COL24A1: variants seen among roughly 807,000 people sequenced by gnomAD.
COL24A1 encodes collagen type XXIV alpha 1 chain, also known as collagen alpha-1(XXIV) chain.
COL24A1 carries 224 observed loss-of-function variants against 253.9 expected under a neutral mutation model. That is an observed-to-expected ratio of 0.88 (90% CI 0.79 to 0.99). The LOEUF (loss-of-function observed/expected upper bound fraction) is 0.99, where lower values mean the gene tolerates loss of function less well. Among genes scored for constraint, COL24A1 ranks in the 50% least tolerant of loss-of-function variants. The probability of loss-of-function intolerance (pLI) is 0.00; values close to 1 mark genes in which losing one functional copy is unlikely to be tolerated. For missense variants in COL24A1, 2,131 were observed against 2,068.5 expected (o/e 1.03, Z -0.59); for synonymous variants, 685 against 673.7 (o/e 1.02, Z -0.26).
chr1:85,733,989 G>A (rs1255103804), intron 59 of COL24A1, among the ~76,000 whole-genome samples: 14 of 150,648 alleles, frequency 9.3e-5, no homozygotes, highest in Non-Finnish European at 1.3e-4. Context: ...TGCAACCTCC[G>A]CTTCCTGGGT....
At position 85,877,033 on chromosome 1, in the gene COL24A1, T is replaced by G. The variant is rs1681255071; in HGVS notation, c.3030+89A>C. 6.8e-6 allele frequency: 6 copies of G among 878,096 alleles called. No individual in the cohort carries two copies. In the East Asian group the frequency reaches 1.4e-4, roughly 20 times the overall value. 54.4% of individuals were successfully genotyped at this position (878,096 alleles called of 1,614,324 possible). A position where few individuals can be genotyped will look rare whatever the true frequency, so the allele number is the denominator to read the frequency against. On this transcript the variant is annotated intron_variant, in intron 33 of 59. Transcript: ENST00000370571. ...TGAAACAATACTATAGAATTATTCC[T>G]CATAGTATATATTTAATTATTAATT...
intron 1 of COL24A1, among the ~76,000 whole-genome samples, chr1:86,150,503 C>T (rs985784757): frequency 1.3e-5 from 2 of 152,076 alleles, no homozygotes; most frequent in African/African-American, 4.8e-5. Flanking sequence ...AGTTAGATGT[C>T]CAAAGAAAGA....
intron 53 of COL24A1, among the ~76,000 whole-genome samples, chr1:85,771,777 T>TTTTTA (rs1553170804): frequency 8.7e-6 from 1 of 114,770 alleles, no homozygotes. Context: ...TTGCCTGACT[T>TTTTTA]TTTTATTTAT....
chr1:85,839,479 T>C (rs892989236), intron 42 of COL24A1, among the ~76,000 whole-genome samples: 52 of 151,854 alleles, frequency 3.4e-4, no homozygotes, highest in African/African-American at 1.2e-3. Flanking sequence ...ATCCCAGCAC[T>C]GTGGGAGGCT....
At chr1:86,153,216 C>T (rs1653008894) in intron 1 of COL24A1, among the ~76,000 whole-genome samples, 2 of 151,346 alleles carry the variant, frequency 1.3e-5, no homozygotes, top group Non-Finnish European at 2.9e-5. Flanking sequence ...CTCCCCTACC[C>T]ACCCACCCAA....
At chr1:85,782,654 T>C in intron 51 of COL24A1, among the ~76,000 whole-genome samples, 1 of 152,164 alleles carries the variant, frequency 6.6e-6, no homozygotes, top group Middle Eastern at 3.2e-3. Flanking sequence ...GAAAGCGGTA[T>C]AGGATTTTAG....
chr1:86,118,586 C>A (rs768253979), intron 3 of COL24A1, among the ~76,000 whole-genome samples: 2 of 151,816 alleles, frequency 1.3e-5, no homozygotes, highest in African/African-American at 2.4e-5. Flanking sequence ...AGCATCAAGC[C>A]CTCCTGGAGT....
intron 52 of COL24A1, among the ~76,000 whole-genome samples, chr1:85,776,274 A>C (rs1284963893): frequency 1.3e-5 from 2 of 152,076 alleles, no homozygotes; most frequent in African/African-American, 4.8e-5. Flanking sequence ...ATTGATTTCT[A>C]GTTTAATTCC....
chr1:85,833,507 C>T (rs1426002965), intron 43 of COL24A1, among the ~76,000 whole-genome samples: 1 of 152,148 alleles, frequency 6.6e-6, no homozygotes. Context: ...AACACTTTTA[C>T]ACTGTTGGTG....
chr1:85,907,252 A>G lies in COL24A1; in HGVS notation c.2725-5T>C, dbSNP rs1386216259. On this transcript the variant is annotated splice_region_variant and splice_polypyrimidine_tract_variant and intron_variant, in intron 27 of 59. Transcript: ENST00000370571. ...TCCTCTTGCCCCCACATGACCCTATATGTTGTAAATTTAAAGTCAGTTGTA... is the reference window on the plus strand; with the variant it reads ...TCCTCTTGCCCCCACATGACCCTATGTGTTGTAAATTTAAAGTCAGTTGTA... The G allele has an allele frequency of 1.2e-6, 2 of 1,609,400 alleles. No individual in the cohort carries two copies. Among genetic ancestry groups the G allele is most frequent in the African/African-American group, 1.3e-5 (1 of 74,780 alleles).
At chr1:85,763,851 T>C (rs1667090555) in intron 53 of COL24A1, among the ~76,000 whole-genome samples, 2 of 152,182 alleles carry the variant, frequency 1.3e-5, no homozygotes. Flanking sequence ...ATGGTGGTTA[T>C]TTGGCTATAG....
chr1:85,962,785 A>G (rs558690527), intron 23 of COL24A1, among the ~76,000 whole-genome samples: 3 of 152,178 alleles, frequency 2.0e-5, no homozygotes, highest in East Asian at 1.9e-4. Context: ...AAAGTAATCA[A>G]TTACTGTCTA....
intron 19 of COL24A1, among the ~76,000 whole-genome samples, chr1:86,007,534 A>G (rs924253624): frequency 6.6e-6 from 1 of 152,344 alleles, no homozygotes; most frequent in East Asian, 1.9e-4. Flanking sequence ...CAGCAGCTTC[A>G]TAACTGCCAA....
At chr1:85,827,616 T>A (rs1674557563) in intron 43 of COL24A1, among the ~76,000 whole-genome samples, 1 of 152,120 alleles carries the variant, frequency 6.6e-6, no homozygotes. Flanking sequence ...GTTATTGATC[T>A]ATTCAGAGAT....
intron 37 of COL24A1, among the ~76,000 whole-genome samples, chr1:85,851,231 T>C (rs1358447760): frequency 6.6e-6 from 1 of 152,114 alleles, no homozygotes; most frequent in African/African-American, 2.4e-5. Flanking sequence ...CTTTATGTGT[T>C]CTCCTGAAAC....
intron 53 of COL24A1, among the ~76,000 whole-genome samples, chr1:85,771,411 T>A (rs976507866): frequency 4.6e-5 from 7 of 152,158 alleles, no homozygotes; most frequent in Middle Eastern, 6.3e-3. Context: ...TTCATCCAGG[T>A]CCCTGCAAAG....
At chr1:86,129,194 A>G (rs1557745108) in intron 2 of COL24A1, among the ~76,000 whole-genome samples, 1 of 151,836 alleles carries the variant, frequency 6.6e-6, no homozygotes, top group African/African-American at 2.4e-5. Context: ...ATGAAATAAT[A>G]AATTTCCTCT....
intron 14 of COL24A1, among the ~76,000 whole-genome samples, chr1:86,028,879 C>G (rs1400166420): frequency 3.4e-4 from 52 of 152,164 alleles, no homozygotes; most frequent in Non-Finnish European, 1.5e-5. Flanking sequence ...TGCATAGCAT[C>G]TGAGAATTAA....
intron 10 of COL24A1, among the ~76,000 whole-genome samples, chr1:86,056,879 A>C (rs1381420319): frequency 1.3e-5 from 2 of 151,970 alleles, no homozygotes; most frequent in Non-Finnish European, 2.9e-5. Flanking sequence ...CACAAAACAA[A>C]AACAACAACA....
Sources: allele counts gnomAD v4.1 joint callset (sites outside exome capture counted in the v4.1 genomes callset), GRCh38; gene constraint gnomAD v4.1.1; transcripts MANE v1.5; gene names NCBI Gene and HGNC (gene_info 2026-07-23, HGNC 2026-07-21).